The following TBC1D2 variants were observed in gnomAD, a reference collection of about 807,000 sequenced individuals.
TBC1D2 encodes TBC1 domain family member 2.
TBC1D2 carries 58 observed loss-of-function variants against 91.1 expected under a neutral mutation model. That is an observed-to-expected ratio of 0.64 (90% confidence interval 0.52 to 0.79). TBC1D2 has a LOEUF of 0.79. TBC1D2 is among the 30% of genes least tolerant of loss of function. The probability of loss-of-function intolerance (pLI) is 0.00; values close to 1 mark genes in which losing one functional copy is unlikely to be tolerated. For synonymous variants in TBC1D2, 482 were observed against 511.5 expected, an observed-to-expected ratio of 0.94 and a Z score of 0.78; for missense variants, 1,080 against 1,208.3, an observed-to-expected ratio of 0.89 and a Z score of 1.57.
chr9:98,243,263 C>G lies in TBC1D2; in HGVS notation c.647+731G>C, dbSNP rs562573137. 6.2e-3 allele frequency among the ~76,000 whole-genome samples: 935 copies of G among 152,000 alleles called. 11 individuals carry two copies. Among genetic ancestry groups the G allele is most frequent in the African/African-American group, 0.021 (871 of 41,442 alleles). On this transcript the variant is annotated intron_variant, in intron 3 of 12. Transcript: ENST00000465784. ...GACATTTGTGAAACCATCACTACAT[C>G]ACATTCAATATGATCTCATTTATGC...
At chr9:98,235,489 T>C in intron 3 of TBC1D2, 2 of 451,930 alleles carry the variant, frequency 4.4e-6, no homozygotes, top group Non-Finnish European at 8.7e-6. Flanking sequence ...TGTGCTACTA[T>C]TCAATTTTTT....
chr9:98,224,010 T>C (rs1376333353), intron 5 of TBC1D2, among the ~76,000 whole-genome samples: 1 of 151,960 alleles, frequency 6.6e-6, no homozygotes, highest in Non-Finnish European at 1.5e-5. Flanking sequence ...CCATCCTGGC[T>C]AACATGGTGA....
chr9:98,210,755 G>A lies in TBC1D2; in HGVS notation c.1574C>T (p.Ala525Val), dbSNP rs1417380762. The A allele has an allele frequency of 8.9e-6, 14 of 1,571,444 alleles. No homozygotes were observed. Among genetic ancestry groups the A allele is most frequent in the South Asian group, 1.2e-5 (1 of 85,454 alleles). ...CCTCAGCAGCTCTGAGCACTCGCTG[G>A]CTTCGTCCCCCAGGGCCTCCTGCAG... ...RRLQEALGDEASECSELLRQL... is the reference protein window; with the variant it reads ...RRLQEALGDEVSECSELLRQL... Residue 525 changes from alanine to valine, a missense_variant, in exon 8 of 13, where the codon GCC (alanine) becomes GTC (valine). Physicochemically the swap from Ala to Val is moderately conservative, Grantham distance 64. Coordinates refer to ENST00000465784, the MANE Select transcript of TBC1D2 (RefSeq NM_001267571.2).
At chr9:98,210,629 C>T in intron 8 of TBC1D2, 27 bp downstream of exon 8, 1 of 1,547,740 alleles carries the variant, frequency 6.5e-7, no homozygotes, top group Non-Finnish European at 8.7e-7. Context: ...TCACATAGAC[C>T]AGCCCTTCCT....
chr9:98,213,139 AC>A lies in TBC1D2; in HGVS notation c.1453del (p.Val485TrpfsTer9), dbSNP rs1391623377. 6.2e-7 allele frequency: 1 copy of A among 1,613,992 alleles called. No individual in the cohort carries two copies. Among genetic ancestry groups the A allele is most frequent in the East Asian group, 2.2e-5 (1 of 44,878 alleles). ...IHQVTKIWRK[V>X]AEKEKALLTK... ...CAGAAGGGCCTTCTCCTTCTCAGCC[AC>A]CTTTCTCCAGATCTTTGTGACCTGG... is the stretch of plus-strand genomic sequence containing the variant. On this transcript the variant is annotated frameshift_variant, in exon 7 of 13. Transcript: ENST00000465784. LOFTEE classifies it high-confidence loss of function.
chr9:98,220,908 AG>A lies in TBC1D2; in HGVS notation c.1298del (p.Pro433LeufsTer16). The A allele has an allele frequency of 6.2e-7, 1 of 1,614,098 alleles. No individual in the cohort carries two copies. The highest frequency in any genetic ancestry group is 8.5e-7 in the Non-Finnish European group (1 of 1,179,984). The stretch of plus-strand genomic sequence containing the variant: ...CGTCGGGGCGCAAAGGAGACTGGTC[AG>A]GGGGGTGCGTGAAGTCCTGGGTGAC... ...EKVTQDFTHPPDQSPLRPDAA... is the reference protein window; with the variant it reads ...EKVTQDFTHPXDQSPLRPDAA... On this transcript the variant is annotated frameshift_variant, in exon 6 of 13. Transcript: ENST00000465784. LOFTEE classifies it high-confidence loss of function.
At chr9:98,234,336 C>G (rs533499740) in intron 3 of TBC1D2, among the ~76,000 whole-genome samples, 23 of 152,148 alleles carry the variant, frequency 1.5e-4, no homozygotes, top group African/African-American at 5.5e-4. Context: ...AAAGGCTGAC[C>G]TAAGATCACA....
chr9:98,217,593 C>T (rs1003001869), intron 6 of TBC1D2, among the ~76,000 whole-genome samples: 15 of 152,272 alleles, frequency 9.9e-5, no homozygotes, highest in Admixed American at 2.0e-4. Context: ...GTTCCTCAAT[C>T]ACAGGGCAGG....
rs1828812501 is a variant in TBC1D2 at position 98,210,726 on chromosome 9, G to A, written c.1603C>T (p.Leu535Phe). ...TCCCACTGCAGTGCCTCCTGGACAA[G>A]CTGCCTCAGCAGCTCTGAGCACTCG... ...ASECSELLRQ[L>F]VQEALQWEAG... The change falls in exon 8 of 13, where the codon CTT (leucine) becomes TTT (phenylalanine). Residue 535 changes from leucine to phenylalanine, a missense_variant. By Grantham distance (22) the Leu-to-Phe change is conservative (BLOSUM62 0). Coordinates refer to ENST00000465784, the MANE Select transcript of TBC1D2 (RefSeq NM_001267571.2). 5 of 1,595,350 alleles carry A rather than the reference G, an allele frequency of 3.1e-6. No homozygotes were observed. The highest frequency in any genetic ancestry group is 2.6e-6 in the Non-Finnish European group (3 of 1,170,946).
At chr9:98,240,450 A>G (rs1204087618) in intron 3 of TBC1D2, among the ~76,000 whole-genome samples, 6 of 152,164 alleles carry the variant, frequency 3.9e-5, no homozygotes, top group African/African-American at 1.4e-4. Context: ...ATGTAGTTCC[A>G]TTGAAGAGAA....
intron 6 of TBC1D2, chr9:98,213,530 C>T (rs1828901148): frequency 4.9e-6 from 3 of 616,076 alleles, no homozygotes; most frequent in Non-Finnish European, 6.8e-6. Flanking sequence ...GGGCAAATAC[C>T]AACTAACCTA....
intron 5 of TBC1D2, among the ~76,000 whole-genome samples, chr9:98,224,207 A>G (rs35064780): frequency 0.4 from 57,586 of 143,068 alleles, 12,563 homozygotes; most frequent in African/African-American, 0.56. Context: ...AAAAAAAAAA[A>G]AAAGAAAAGA....
rs778692375 is a variant in TBC1D2, at chr9:98,220,901, A to C, written c.1306T>G (p.Ser436Ala). The C allele has an allele frequency of 2.5e-6, 4 of 1,613,870 alleles. No individual in the cohort carries two copies. The highest frequency in any genetic ancestry group is 3.4e-6 in the Non-Finnish European group (4 of 1,179,978). The change falls in exon 6 of 13, where the codon TCT (serine) becomes GCT (alanine). Residue 436 changes from serine (S) to alanine (A), a missense_variant. Physicochemically the swap from Ser to Ala is moderately conservative, Grantham distance 99 (BLOSUM62 1). Transcript: ENST00000465784. ...TTGGCAGCGTCGGGGCGCAAAGGAG[A>C]CTGGTCAGGGGGGTGCGTGAAGTCC... The part of the protein sequence containing the change: ...TQDFTHPPDQ[S>A]PLRPDAANRD...
Position 98,249,407 on chromosome 9 carries a change from C to T in TBC1D2, c.511+2378G>A, listed in dbSNP as rs74714125. Among the ~76,000 whole-genome samples, 1,205 of 152,336 alleles carry T rather than the reference C, an allele frequency of 7.9e-3. 18 individuals carry two copies. The highest frequency in any genetic ancestry group is 0.027 in the African/African-American group (1,131 of 41,574). On this transcript the variant is annotated intron_variant, in intron 2 of 12. Transcript: ENST00000465784. Reference sequence around the variant, plus strand: ...TAAAGAACCTGCAACAGGTTCCCCACAGCAGAAGAGGTCTGAGGATCCCAG... The same window carrying T: ...TAAAGAACCTGCAACAGGTTCCCCATAGCAGAAGAGGTCTGAGGATCCCAG...
chr9:98,248,737 T>C lies in TBC1D2; in HGVS notation c.511+3048A>G, dbSNP rs557187528. Among the ~76,000 whole-genome samples, 7 of 152,328 alleles carry C rather than the reference T, an allele frequency of 4.6e-5. No individual in the cohort carries two copies. The Middle Eastern group carries it at 0.01, about 222-fold the overall frequency. ...AAATAAGATGACGCATGTAAAGTGT[T>C]GGGGCAGCAGGCATATTTCATGACA... is the stretch of plus-strand genomic sequence containing the variant. On this transcript the variant is annotated intron_variant, in intron 2 of 12. Transcript: ENST00000465784.
At chr9:98,212,263 A>G (rs1828862743) in intron 7 of TBC1D2, among the ~76,000 whole-genome samples, 1 of 152,122 alleles carries the variant, frequency 6.6e-6, no homozygotes, top group Non-Finnish European at 1.5e-5. Context: ...GTTTCCTTGG[A>G]GTAAATTCCA....
chr9:98,244,573 C>T (rs191870783), intron 2 of TBC1D2, among the ~76,000 whole-genome samples: 12 of 146,252 alleles, frequency 8.2e-5, no homozygotes, highest in Admixed American at 3.6e-4. Context: ...GCAGGAGAAT[C>T]GCTTGAACCT....
chr9:98,253,109 T>G (rs2131303089), intron 1 of TBC1D2, among the ~76,000 whole-genome samples: 1 of 152,292 alleles, frequency 6.6e-6, no homozygotes, highest in South Asian at 2.1e-4. Flanking sequence ...AAGGGTATAC[T>G]GAGCATTGAC....
chr9:98,214,618 A>G (rs113243141), intron 6 of TBC1D2, among the ~76,000 whole-genome samples: 5 of 147,768 alleles, frequency 3.4e-5, no homozygotes, highest in East Asian at 2.0e-4. Flanking sequence ...ACGTGGCCAG[A>G]TTGATTTGGA....
Sources: allele counts gnomAD v4.1 joint callset (sites outside exome capture counted in the v4.1 genomes callset), GRCh38; gene constraint gnomAD v4.1.1; transcripts MANE v1.5; gene names NCBI Gene and HGNC (gene_info 2026-07-23, HGNC 2026-07-21).